The following CSMD1 variants were observed in gnomAD, a reference collection of about 807,000 sequenced individuals.
CSMD1 encodes CUB and Sushi multiple domains 1, also known as CUB and sushi domain-containing protein 1.
Under a neutral mutation model 417.5 loss-of-function variants are expected in CSMD1, and 213 were observed. The observed-to-expected ratio is 0.51, with a 90% CI of 0.46 to 0.57. The LOEUF is 0.57. Ranked by LOEUF, CSMD1 falls within the 20% of genes least tolerant of loss-of-function variation. CSMD1 has a pLI of 0.00. For synonymous variants in CSMD1, 2,862 were observed against 1,736.8 expected, an observed-to-expected ratio of 1.65 and a Z score of -16.11; for missense variants, 6,923 against 4,529.7, an observed-to-expected ratio of 1.53 and a Z score of -15.17.
intron 1 of CSMD1, among the ~76,000 whole-genome samples, chr8:4,821,431 T>C (rs891858683): frequency 3.3e-5 from 5 of 152,126 alleles, no homozygotes; most frequent in African/African-American, 1.2e-4. Context: ...GATAGAAAAT[T>C]AAGGTAAAAA....
At chr8:3,511,193 G>A (rs1474165614) in intron 10 of CSMD1, among the ~76,000 whole-genome samples, 1 of 151,628 alleles carries the variant, frequency 6.6e-6, no homozygotes, top group Admixed American at 6.6e-5. Flanking sequence ...GGACACAAGG[G>A]CACAGGAAGG....
chr8:3,101,687 A>G lies in CSMD1; in HGVS notation c.6950-4650T>C, dbSNP rs148101848. Among the ~76,000 whole-genome samples the G allele has an allele frequency of 2.9e-3, 436 of 152,172 alleles. 5 individuals carry two copies. The highest frequency in any genetic ancestry group is 9.4e-3 in the African/African-American group (391 of 41,524). Reference sequence around the variant, plus strand: ...TGATCCGCTCCCCTCAGCCTCCCAAAGTAATAGGATTATAGGCATGAGCCA... The same window carrying G: ...TGATCCGCTCCCCTCAGCCTCCCAAGGTAATAGGATTATAGGCATGAGCCA... On this transcript the variant is annotated intron_variant, in intron 46 of 69. Transcript: ENST00000635120.
At chr8:3,924,727 C>T (rs576738755) in intron 5 of CSMD1, among the ~76,000 whole-genome samples, 2 of 151,940 alleles carry the variant, frequency 1.3e-5, no homozygotes, top group African/African-American at 2.4e-5. Context: ...ATAATGTTCA[C>T]CTCTTTGTTG....
At chr8:3,842,321 A>G (rs942102748) in intron 5 of CSMD1, among the ~76,000 whole-genome samples, 5 of 152,054 alleles carry the variant, frequency 3.3e-5, no homozygotes, top group African/African-American at 4.8e-5. Context: ...CTATTGGTAC[A>G]CTCTGACTCA....
chr8:3,715,770 C>A (rs2623569), intron 6 of CSMD1, among the ~76,000 whole-genome samples: 1 of 152,088 alleles, frequency 6.6e-6, no homozygotes, highest in South Asian at 2.1e-4. Flanking sequence ...CTCAAACTCC[C>A]GACCTCATGT....
intron 7 of CSMD1, among the ~76,000 whole-genome samples, chr8:3,701,785 C>A (rs1309201228): frequency 6.6e-6 from 1 of 152,082 alleles, no homozygotes; most frequent in Admixed American, 6.6e-5. Flanking sequence ...CTTTATGTGG[C>A]CTTCTAAAAA....
chr8:3,305,097 C>T (rs1360322394), intron 25 of CSMD1, among the ~76,000 whole-genome samples: 1 of 152,062 alleles, frequency 6.6e-6, no homozygotes, highest in Non-Finnish European at 1.5e-5. Context: ...CTTACTTCAG[C>T]CTTGACCAAC....
At chr8:4,324,373 A>C (rs1563455089) in intron 3 of CSMD1, among the ~76,000 whole-genome samples, 1 of 152,202 alleles carries the variant, frequency 6.6e-6, no homozygotes, top group Non-Finnish European at 1.5e-5. Context: ...TGGATGGGAC[A>C]CCAGAGGTGG....
chr8:3,006,540 A>C (rs1264977562), intron 52 of CSMD1, among the ~76,000 whole-genome samples: 1 of 152,142 alleles, frequency 6.6e-6, no homozygotes, highest in Non-Finnish European at 1.5e-5. Context: ...AGGCTACAGT[A>C]ACCAAAACAG....
rs552651888 is a variant in CSMD1 at position 3,689,284 on chromosome 8, C to A, written c.1009+19130G>T. Among the ~76,000 whole-genome samples the A allele has an allele frequency of 6.6e-5, 10 of 152,242 alleles. No individual in the cohort carries two copies. In the East Asian group the frequency reaches 1.9e-3, roughly 29 times the overall value. On this transcript the variant is annotated intron_variant, in intron 7 of 69. Coordinates refer to ENST00000635120, the MANE Select transcript of CSMD1 (RefSeq NM_033225.6). ...GGAACTTGCAGCTGAGCGTCAGGGG[C>A]CTGTGGCTAACATTGGACTAAGCCA...
chr8:3,907,696 C>T (rs1808203250), intron 5 of CSMD1, among the ~76,000 whole-genome samples: 2 of 152,278 alleles, frequency 1.3e-5, no homozygotes, highest in South Asian at 4.2e-4. Context: ...GCAATGTGGA[C>T]TTCTGTGGAT....
chr8:3,680,631 C>T (rs1474364920), intron 7 of CSMD1, among the ~76,000 whole-genome samples: 2 of 152,176 alleles, frequency 1.3e-5, no homozygotes, highest in Non-Finnish European at 2.9e-5. Flanking sequence ...GGTACCATTC[C>T]TTCTGAAACT....
intron 1 of CSMD1, among the ~76,000 whole-genome samples, chr8:4,826,385 C>A (rs578099837): frequency 9.9e-5 from 15 of 152,238 alleles, no homozygotes; most frequent in Non-Finnish European, 1.8e-4. Flanking sequence ...CGCAATCCTG[C>A]ATATGCAACA....
intron 5 of CSMD1, among the ~76,000 whole-genome samples, chr8:3,963,113 G>A (rs772053449): frequency 6.6e-6 from 1 of 152,042 alleles, no homozygotes; most frequent in South Asian, 2.1e-4. Context: ...GTGTTTTTTA[G>A]TAGAGACGGG....
chr8:4,055,218 A>T (rs865978452), intron 3 of CSMD1, among the ~76,000 whole-genome samples: 3 of 152,194 alleles, frequency 2.0e-5, no homozygotes, highest in Middle Eastern at 3.2e-3. Flanking sequence ...AATTTTTAAA[A>T]ACCATTTTGA....
In CSMD1 at chr8:4,994,193, C is replaced by T. The variant is rs564274790; in HGVS notation, c.85+139G>A. 17 of 712,602 alleles carry T rather than the reference C, an allele frequency of 2.4e-5. No homozygotes were observed. The South Asian group carries it at 2.7e-4, about 11-fold the overall frequency. 44.1% of individuals were successfully genotyped at this position (712,602 alleles called of 1,614,324 possible). A position where few individuals can be genotyped will look rare whatever the true frequency, so the allele number is the denominator to read the frequency against. On this transcript the variant is annotated intron_variant, in intron 1 of 69. Coordinates refer to ENST00000635120, the MANE Select transcript of CSMD1 (RefSeq NM_033225.6). ...AAGCTCCCTCCCGTGCATCGCGTTC[C>T]CCGAGCTTCGGCGATGGAGCAGCGC... is the stretch of plus-strand genomic sequence containing the variant.
At chr8:3,744,155 G>A (rs1231698894) in intron 6 of CSMD1, among the ~76,000 whole-genome samples, 1 of 152,186 alleles carries the variant, frequency 6.6e-6, no homozygotes, top group Non-Finnish European at 1.5e-5. Flanking sequence ...TCACTTTTCT[G>A]GATTGACAAG....
At chr8:3,591,488 A>C (rs1466292558) in intron 8 of CSMD1, among the ~76,000 whole-genome samples, 2 of 152,202 alleles carry the variant, frequency 1.3e-5, no homozygotes, top group Non-Finnish European at 2.9e-5. Context: ...TATCATAACT[A>C]TTTTTGAAAA....
At chr8:4,781,753 T>A (rs1797162678) in intron 1 of CSMD1, among the ~76,000 whole-genome samples, 1 of 152,166 alleles carries the variant, frequency 6.6e-6, no homozygotes, top group African/African-American at 2.4e-5. Context: ...TGGTAACCAT[T>A]CTTAATCACA....
Sources: allele counts gnomAD v4.1 joint callset (sites outside exome capture counted in the v4.1 genomes callset), GRCh38; gene constraint gnomAD v4.1.1; transcripts MANE v1.5; gene names NCBI Gene and HGNC (gene_info 2026-07-23, HGNC 2026-07-21).